Variants in SAMMSON observed in about 807,000 individuals in gnomAD.
The protein encoded by SAMMSON is survival associated mitochondrial melanoma specific oncogenic non-coding RNA.
At chr3:70,183,083 C>T (rs567348690) in intron 4 of SAMMSON, among the ~76,000 whole-genome samples, 3 of 152,206 alleles carry the variant, frequency 2.0e-5, no homozygotes, top group African/African-American at 4.8e-5. Flanking sequence ...TTGTTGAACA[C>T]TCGCTACATG....
At chr3:70,097,064 A>G (rs979004661) in intron 4 of SAMMSON, among the ~76,000 whole-genome samples, 2 of 152,200 alleles carry the variant, frequency 1.3e-5, no homozygotes, top group African/African-American at 4.8e-5. Flanking sequence ...TTATAGCACA[A>G]TCTGGGAAAT....
intron 7 of SAMMSON, among the ~76,000 whole-genome samples, chr3:70,308,581 C>G (rs116640697): frequency 0.014 from 2,081 of 152,178 alleles, 46 homozygotes; most frequent in African/African-American, 0.048. Context: ...AAGTCAAGGG[C>G]AATTAGGAGC....
chr3:70,129,382 A>G (rs1390114471), intron 4 of SAMMSON, among the ~76,000 whole-genome samples: 1 of 152,232 alleles, frequency 6.6e-6, no homozygotes, highest in East Asian at 1.9e-4. Context: ...GAGGATACTG[A>G]TGTTTAAGCA....
rs140125134 is a variant in SAMMSON at position 70,286,957 on chromosome 3, G to A, written n.675-4222G>A. ...GCTTATCAGCTTAAGGAGATTTTGG[G>A]CTGAGACAATGGCGTTTTCTAGATA... On this transcript the variant is annotated intron_variant and non_coding_transcript_variant, in intron 6 of 9. Transcript: ENST00000642114. Among the ~76,000 whole-genome samples, 857 of 151,134 alleles carry A rather than the reference G, an allele frequency of 5.7e-3. 37 individuals carry two copies. In the East Asian group the frequency reaches 0.1, roughly 18 times the overall value.
At chr3:70,027,330 C>A (rs967479869) in intron 3 of SAMMSON, among the ~76,000 whole-genome samples, 1 of 152,078 alleles carries the variant, frequency 6.6e-6, no homozygotes, top group African/African-American at 2.4e-5. Context: ...AATTTTTGTT[C>A]TAATACCCTT....
chr3:70,229,684 C>T (rs557357170), intron 4 of SAMMSON, among the ~76,000 whole-genome samples: 1 of 152,090 alleles, frequency 6.6e-6, no homozygotes, highest in Non-Finnish European at 1.5e-5. Flanking sequence ...TCTGATGAGC[C>T]CCTAAAAATG....
At chr3:70,273,900 T>A (rs975064220) in intron 6 of SAMMSON, among the ~76,000 whole-genome samples, 1 of 152,090 alleles carries the variant, frequency 6.6e-6, no homozygotes, top group African/African-American at 2.4e-5. Context: ...ACTCCTAGGC[T>A]CAAGTCATTC....
intron 6 of SAMMSON, among the ~76,000 whole-genome samples, chr3:70,280,733 C>G (rs1702074400): frequency 6.6e-6 from 1 of 152,128 alleles, no homozygotes; most frequent in Admixed American, 6.5e-5. Context: ...AAACATTACT[C>G]TTAGTTTCCC....
chr3:70,313,224 G>A (rs1242153704), intron 7 of SAMMSON, among the ~76,000 whole-genome samples: 1 of 152,140 alleles, frequency 6.6e-6, no homozygotes, highest in Non-Finnish European at 1.5e-5. Context: ...AGCACTTTGA[G>A]GAGGCTGAGA....
chr3:70,053,189 A>G (rs1193763360), intron 3 of SAMMSON, among the ~76,000 whole-genome samples: 1 of 152,122 alleles, frequency 6.6e-6, no homozygotes, highest in Non-Finnish European at 1.5e-5. Context: ...CTTTACAGGG[A>G]GAAATGCTGA....
intron 3 of SAMMSON, among the ~76,000 whole-genome samples, chr3:70,062,442 C>A (rs184031643): frequency 5.3e-5 from 8 of 152,198 alleles, no homozygotes; most frequent in African/African-American, 1.9e-4. Flanking sequence ...TCCTCTCCTC[C>A]TTAAAATGTA....
chr3:70,122,718 T>C (rs561319963), intron 4 of SAMMSON, among the ~76,000 whole-genome samples: 4 of 152,350 alleles, frequency 2.6e-5, no homozygotes, highest in Admixed American at 1.3e-4. Context: ...AAATTGTTTC[T>C]AGAATAGATA....
intron 4 of SAMMSON, among the ~76,000 whole-genome samples, chr3:70,207,708 T>C (rs1273678736): frequency 6.6e-6 from 1 of 152,034 alleles, no homozygotes; most frequent in Non-Finnish European, 1.5e-5. Flanking sequence ...TTACATAGCA[T>C]TTACATAGTA....
intron 2 of SAMMSON, among the ~76,000 whole-genome samples, chr3:70,013,360 A>G (rs980672399): frequency 1.3e-5 from 2 of 152,144 alleles, no homozygotes; most frequent in African/African-American, 4.8e-5. Context: ...ATACATATAA[A>G]GCATTTGGCA....
At chr3:70,274,891 G>T (rs1373493760) in intron 6 of SAMMSON, among the ~76,000 whole-genome samples, 3 of 152,106 alleles carry the variant, frequency 2.0e-5, no homozygotes, top group Non-Finnish European at 2.9e-5. Context: ...TAAACTCTGG[G>T]ATTTGCTCTG....
At chr3:70,368,262 T>C (rs1192574462) in intron 9 of SAMMSON, among the ~76,000 whole-genome samples, 7 of 151,516 alleles carry the variant, frequency 4.6e-5, no homozygotes, top group Admixed American at 2.6e-4. Context: ...ACTATACAGT[T>C]ATTAGAATGA....
At chr3:70,310,924 G>A (rs1160853802) in intron 7 of SAMMSON, among the ~76,000 whole-genome samples, 3 of 151,996 alleles carry the variant, frequency 2.0e-5, no homozygotes, top group African/African-American at 7.2e-5. Flanking sequence ...GTAATTTTAG[G>A]CAAGTTACTA....
intron 4 of SAMMSON, among the ~76,000 whole-genome samples, chr3:70,092,231 T>C (rs2067307292): frequency 6.6e-6 from 1 of 152,070 alleles, no homozygotes; most frequent in Non-Finnish European, 1.5e-5. Flanking sequence ...CCTGAAGCTA[T>C]ATATAGTTTT....
intron 4 of SAMMSON, among the ~76,000 whole-genome samples, chr3:70,132,311 T>G (rs113487196): frequency 6.6e-6 from 1 of 152,136 alleles, no homozygotes; most frequent in Non-Finnish European, 1.5e-5. Context: ...CAGAGGGCCT[T>G]TTTGTCCTCT....
Sources: gnomAD v4.1 joint callset for allele counts (sites outside exome capture counted in the v4.1 genomes callset) on GRCh38, gnomAD v4.1.1 for gene constraint, MANE v1.5 for transcripts, NCBI Gene and HGNC (gene_info 2026-07-23, HGNC 2026-07-21) for gene names.